ACSS3: variants seen among roughly 807,000 people sequenced by gnomAD.
The protein encoded by ACSS3 is acyl-CoA synthetase short chain family member 3.
A neutral mutation model predicts 84.2 loss-of-function variants in ACSS3; 64 were observed. That is an observed-to-expected ratio of 0.76 (90% CI 0.62 to 0.94). The LOEUF (loss-of-function observed/expected upper bound fraction) is 0.94. ACSS3 is among the 40% of genes least tolerant of loss of function. The pLI is 0.00. For synonymous variants in ACSS3, 317 were observed against 310.1 expected (o/e 1.02, Z -0.23); for missense variants, 815 against 867.6 (o/e 0.94, Z 0.76).
chr12:81,118,937 A>G (rs1225949686), intron 2 of ACSS3, among the ~76,000 whole-genome samples: 1 of 152,204 alleles, frequency 6.6e-6, no homozygotes, highest in Non-Finnish European at 1.5e-5. Flanking sequence ...TGTAGCATGG[A>G]GAAAGGACCA....
At chr12:81,207,688 T>C (rs1433976106) in intron 9 of ACSS3, among the ~76,000 whole-genome samples, 1 of 152,166 alleles carries the variant, frequency 6.6e-6, no homozygotes, top group Non-Finnish European at 1.5e-5. Flanking sequence ...AACTTACGTT[T>C]GAGAAAATGT....
At chr12:81,118,171 C>T (rs1248687070) in intron 2 of ACSS3, 1 of 152,036 alleles carries the variant, frequency 6.6e-6, no homozygotes, top group African/African-American at 2.4e-5. Flanking sequence ...TACACTATCC[C>T]CCCCTCCACT....
chr12:81,162,698 T>A (rs1436620238), intron 7 of ACSS3, among the ~76,000 whole-genome samples: 1 of 152,094 alleles, frequency 6.6e-6, no homozygotes, highest in Non-Finnish European at 1.5e-5. Context: ...ATGTTGTCCA[T>A]GGCACCCTGG....
At chr12:81,077,975 C>T (rs954977975), upstream of ACSS3, 11 of 1,039,580 alleles carry the variant, frequency 1.1e-5, no homozygotes, top group Non-Finnish European at 1.3e-5. Context: ...CGGTTTTTCC[C>T]GGCGACTCTA....
intron 8 of ACSS3, among the ~76,000 whole-genome samples, chr12:81,186,876 G>A (rs2135859379): frequency 6.6e-6 from 1 of 151,890 alleles, no homozygotes; most frequent in Non-Finnish European, 1.5e-5. Flanking sequence ...CAAAGGAAAT[G>A]AAGTCACCAC....
intron 9 of ACSS3, among the ~76,000 whole-genome samples, chr12:81,214,718 C>T (rs2032836417): frequency 6.6e-6 from 1 of 152,172 alleles, no homozygotes; most frequent in South Asian, 2.1e-4. Context: ...TTTCCTACAT[C>T]CCCCTTCTCC....
chr12:81,144,845 A>G (rs1886248760), intron 5 of ACSS3, among the ~76,000 whole-genome samples: 1 of 151,972 alleles, frequency 6.6e-6, no homozygotes, highest in African/African-American at 2.4e-5. Context: ...ATTATATTGA[A>G]AAGTGGTTCC....
At chr12:81,147,792 G>A (rs1424848063) in intron 5 of ACSS3, among the ~76,000 whole-genome samples, 5 of 151,958 alleles carry the variant, frequency 3.3e-5, no homozygotes, top group South Asian at 2.1e-4. Context: ...CCATCATCTG[G>A]TGATGGGTTT....
intron 10 of ACSS3, among the ~76,000 whole-genome samples, chr12:81,219,168 C>A (rs1476182825): frequency 6.6e-6 from 1 of 151,976 alleles, no homozygotes; most frequent in Non-Finnish European, 1.5e-5. Flanking sequence ...GTGATTTGGC[C>A]ACTGTACTGA....
rs1010047589 is a variant in ACSS3, at chr12:81,258,204, C to CTGA, written c.*3284_*3286dup. The CTGA allele has an allele frequency of 1.3e-5, 2 of 152,056 alleles. No individual in the cohort carries two copies. Among genetic ancestry groups the CTGA allele is most frequent in the Non-Finnish European group, 2.9e-5 (2 of 68,008 alleles). The allele number at this position is 152,056 out of a possible 1,614,324, so 9.4% of individuals were successfully genotyped here. ...TTGGGTCACCCAAAGAACACATTTC[C>CTGA]TGATAGTTTAAGTAAATTGTCGAGC... On this transcript the variant is annotated 3_prime_UTR_variant, in exon 16 of 16. Coordinates refer to ENST00000548058, the MANE Select transcript of ACSS3 (RefSeq NM_024560.4).
chr12:81,205,546 A>G (rs1217844171), intron 9 of ACSS3, among the ~76,000 whole-genome samples: 3 of 152,142 alleles, frequency 2.0e-5, no homozygotes, highest in Non-Finnish European at 2.9e-5. Context: ...TACAGGCACA[A>G]CTACAGCCCT....
chr12:81,145,400 T>C (rs1217213023), intron 5 of ACSS3, among the ~76,000 whole-genome samples: 1 of 152,204 alleles, frequency 6.6e-6, no homozygotes, highest in Admixed American at 6.5e-5. Context: ...CTCAATATAA[T>C]GTATTTGTAT....
chr12:81,192,354 C>T (rs981001462), intron 8 of ACSS3, among the ~76,000 whole-genome samples: 1 of 152,046 alleles, frequency 6.6e-6, no homozygotes. Context: ...CACTGCAGCC[C>T]GGGCGACAGA....
At chr12:81,157,471 C>T (rs993695735) in intron 7 of ACSS3, among the ~76,000 whole-genome samples, 4 of 152,116 alleles carry the variant, frequency 2.6e-5, no homozygotes, top group Admixed American at 2.0e-4. Context: ...CCACTCTCAC[C>T]CTCTATTCAA....
At chr12:81,081,744 G>T (rs1400125039) in intron 1 of ACSS3, among the ~76,000 whole-genome samples, 1 of 152,108 alleles carries the variant, frequency 6.6e-6, no homozygotes, top group African/African-American at 2.4e-5. Flanking sequence ...TATACCATTT[G>T]TTTAGAAATC....
intron 5 of ACSS3, among the ~76,000 whole-genome samples, chr12:81,144,044 C>A (rs939557890): frequency 8.5e-5 from 13 of 152,174 alleles, no homozygotes; most frequent in African/African-American, 3.1e-4. Flanking sequence ...CATAATCATT[C>A]TCTTCCTTGA....
At chr12:81,083,073 G>A (rs903148199) in intron 1 of ACSS3, among the ~76,000 whole-genome samples, 4 of 152,172 alleles carry the variant, frequency 2.6e-5, no homozygotes, top group Non-Finnish European at 5.9e-5. Context: ...AAACATAGAG[G>A]TAAGAAAAGC....
At chr12:81,123,629 A>G (rs1884826929) in intron 2 of ACSS3, among the ~76,000 whole-genome samples, 1 of 151,816 alleles carries the variant, frequency 6.6e-6, no homozygotes, top group Non-Finnish European at 1.5e-5. Flanking sequence ...TCCCCTCTCT[A>G]TAGTCCCCAG....
At chr12:81,078,965 CAG>C (rs1433064298) in intron 1 of ACSS3, among the ~76,000 whole-genome samples, 1 of 152,144 alleles carries the variant, frequency 6.6e-6, no homozygotes, top group Non-Finnish European at 1.5e-5. Flanking sequence ...GTGACTGAGA[CAG>C]TGACTGCCAA....
Sources: allele counts gnomAD v4.1 joint callset (sites outside exome capture counted in the v4.1 genomes callset), GRCh38; gene constraint gnomAD v4.1.1; transcripts MANE v1.5; gene names NCBI Gene and HGNC (gene_info 2026-07-23, HGNC 2026-07-21).